The following MYOCOS variants were observed in gnomAD, a reference collection of about 807,000 sequenced individuals.
The protein encoded by MYOCOS is myocilin opposite strand protein.
At chr1:171,601,151 G>C (rs1227412916) in intron 1 of MYOCOS, 1 of 152,282 alleles carries the variant, frequency 6.6e-6, no homozygotes, top group Non-Finnish European at 1.5e-5. Context: ...GATTAACACA[G>C]TGGCTGAACA....
upstream of MYOCOS, among the ~76,000 whole-genome samples, chr1:171,620,911 A>G (rs963354302): frequency 6.6e-6 from 1 of 151,640 alleles, no homozygotes; most frequent in Non-Finnish European, 1.5e-5. Context: ...CTGGGATTAC[A>G]GGCGAGTGCC....
upstream of MYOCOS, among the ~76,000 whole-genome samples, chr1:171,620,411 G>A (rs562561894): frequency 1.3e-5 from 2 of 152,224 alleles, no homozygotes; most frequent in East Asian, 3.9e-4. Flanking sequence ...AAATGGTCAT[G>A]CAAAGCTGTT....
Position 171,611,598 on chromosome 1 carries a change from G to A in MYOCOS, c.-251-3200G>A, listed in dbSNP as rs114488010. Among the ~76,000 whole-genome samples the A allele has an allele frequency of 3.7e-3, 570 of 152,304 alleles. 4 individuals are homozygous for A. The highest frequency in any genetic ancestry group is 0.013 in the African/African-American group (528 of 41,560). On this transcript the variant is annotated intron_variant, in intron 1 of 3. Transcript: ENST00000636697. ...CTCTTACCAGAAGGTCTTCTGCTTA[G>A]TATCAACCAAGTGGCTGTGGGGCCA...
At chr1:171,603,928 AAGG>A (rs1292902203) in intron 1 of MYOCOS, among the ~76,000 whole-genome samples, 1,656 of 152,280 alleles carry the variant, frequency 0.011, 30 homozygotes, top group African/African-American at 0.038. Context: ...ATAAATACCA[AAGG>A]ACACCATTAG....
chr1:171,615,851 T>C (rs1194949760), intron 2 of MYOCOS, among the ~76,000 whole-genome samples: 1 of 152,172 alleles, frequency 6.6e-6, no homozygotes, highest in African/African-American at 2.4e-5. Context: ...ATAAAGCCCT[T>C]CCTTCTACAA....
chr1:171,606,611 C>T lies in MYOCOS; in HGVS notation c.-252+5531C>T, dbSNP rs1042702510. ...CTGTTTCATTCTGACTACCAGTGCA[C>T]GAAACCCCTGTCACTTATCCCCTAG... is the stretch of plus-strand genomic sequence containing the variant. On this transcript the variant is annotated intron_variant, in intron 1 of 3. Transcript: ENST00000636697. Among the ~76,000 whole-genome samples the T allele has an allele frequency of 5.3e-5, 8 of 152,318 alleles. No individual in the cohort carries two copies. The South Asian group carries it at 6.2e-4, about 12-fold the overall frequency.
intron 1 of MYOCOS, among the ~76,000 whole-genome samples, chr1:171,606,254 A>G (rs1380158692): frequency 6.6e-6 from 1 of 152,242 alleles, no homozygotes; most frequent in Non-Finnish European, 1.5e-5. Flanking sequence ...AGTGTACTAT[A>G]TAAATCACTA....
intron 1 of MYOCOS, among the ~76,000 whole-genome samples, chr1:171,608,071 G>T (rs990382564): frequency 6.6e-6 from 1 of 152,206 alleles, no homozygotes; most frequent in Non-Finnish European, 1.5e-5. Context: ...ACAGCAGTAT[G>T]GGGGAAACTG....
At chr1:171,604,736 A>G (rs1195264106) in intron 1 of MYOCOS, among the ~76,000 whole-genome samples, 2 of 152,214 alleles carry the variant, frequency 1.3e-5, no homozygotes, top group Non-Finnish European at 2.9e-5. Flanking sequence ...GAAAATAAGT[A>G]CATCTGTCAA....
At chr1:171,611,257 G>A (rs1347494253) in intron 1 of MYOCOS, among the ~76,000 whole-genome samples, 1 of 152,078 alleles carries the variant, frequency 6.6e-6, no homozygotes, top group African/African-American at 2.4e-5. Flanking sequence ...ACAAACATAG[G>A]GATAAATTCA....
At chr1:171,616,653 T>C (rs1235982085) in intron 2 of MYOCOS, among the ~76,000 whole-genome samples, 2 of 152,072 alleles carry the variant, frequency 1.3e-5, no homozygotes, top group African/African-American at 4.8e-5. Flanking sequence ...AGTTTACATG[T>C]TTATTGTTTA....
chr1:171,608,891 T>C (rs1558079275), intron 1 of MYOCOS, among the ~76,000 whole-genome samples: 6 of 152,166 alleles, frequency 3.9e-5, no homozygotes, highest in Admixed American at 3.3e-4. Context: ...AATGAGTCCC[T>C]GAGTCCAGAA....
chr1:171,606,608 G>T (rs1246113298), intron 1 of MYOCOS, among the ~76,000 whole-genome samples: 1 of 152,186 alleles, frequency 6.6e-6, no homozygotes, highest in African/African-American at 2.4e-5. Context: ...GACTACCAGT[G>T]CACGAAACCC....
intron 2 of MYOCOS, 128 bp downstream of exon 2, chr1:171,624,106 C>T (rs1229284496): frequency 1.8e-5 from 7 of 396,972 alleles, no homozygotes; most frequent in Non-Finnish European, 2.2e-5. Flanking sequence ...CTGCAAGACA[C>T]ATTTCACAGA....
At chr1:171,625,046 CT>C (rs1394297588) in intron 2 of MYOCOS, among the ~76,000 whole-genome samples, 1 of 152,068 alleles carries the variant, frequency 6.6e-6, no homozygotes, top group Non-Finnish European at 1.5e-5. Flanking sequence ...GCCCTTTGAC[CT>C]TAGAGTTTAT....
intron 1 of MYOCOS, among the ~76,000 whole-genome samples, chr1:171,606,148 G>T (rs1652239206): frequency 6.6e-6 from 1 of 152,178 alleles, no homozygotes; most frequent in South Asian, 2.1e-4. Context: ...AATAGTAATA[G>T]AAACCTGCTT....
chr1:171,620,671 G>A (rs527562960), upstream of MYOCOS, among the ~76,000 whole-genome samples: 1,233 of 150,058 alleles, frequency 8.2e-3, 10 homozygotes, highest in Non-Finnish European at 0.011. Flanking sequence ...TTGTAAAAAA[G>A]AAAAATTTTA....
At chr1:171,611,810 C>T (rs1312499804) in intron 1 of MYOCOS, among the ~76,000 whole-genome samples, 1 of 152,100 alleles carries the variant, frequency 6.6e-6, no homozygotes, top group Admixed American at 6.5e-5. Context: ...GTACAAGGTG[C>T]AATATTTTGT....
intron 1 of MYOCOS, among the ~76,000 whole-genome samples, chr1:171,603,191 A>T (rs1288854311): frequency 1.3e-5 from 2 of 152,148 alleles, no homozygotes; most frequent in Non-Finnish European, 2.9e-5. Context: ...CATGGCAGGG[A>T]GGAGACTTAT....
Sources: gnomAD v4.1 joint callset for allele counts (sites outside exome capture counted in the v4.1 genomes callset) on GRCh38, gnomAD v4.1.1 for gene constraint, MANE v1.5 for transcripts, NCBI Gene and HGNC (gene_info 2026-07-23, HGNC 2026-07-21) for gene names.